The following ZNF804B variants were observed in gnomAD, a reference collection of about 807,000 sequenced individuals.
ZNF804B encodes zinc finger 804B.
A neutral mutation model predicts 101.4 loss-of-function variants in ZNF804B; 80 were observed. The observed-to-expected ratio is 0.79, with a 90% confidence interval of 0.66 to 0.95. The LOEUF is 0.95. Ranked by LOEUF, ZNF804B falls within the 40% of genes least tolerant of loss-of-function variation. The pLI is 0.00. For synonymous variants in ZNF804B, 622 were observed against 558.8 expected (o/e 1.11, Z -1.59); for missense variants, 1,673 against 1,561.9 (o/e 1.07, Z -1.20).
At chr7:88,967,638 G>A (rs1391001725) in intron 1 of ZNF804B, among the ~76,000 whole-genome samples, 1 of 149,732 alleles carries the variant, frequency 6.7e-6, no homozygotes, top group African/African-American at 2.5e-5. Context: ...GCAGTCTAGA[G>A]CAGCTGATGA....
intron 1 of ZNF804B, among the ~76,000 whole-genome samples, chr7:88,934,714 G>A (rs1489005217): frequency 1.3e-5 from 2 of 151,916 alleles, no homozygotes; most frequent in Admixed American, 6.6e-5. Flanking sequence ...CTGCAAAAGT[G>A]GTAACAATTA....
chr7:89,113,611 T>C (rs1790254946), intron 1 of ZNF804B, among the ~76,000 whole-genome samples: 1 of 152,120 alleles, frequency 6.6e-6, no homozygotes, highest in Non-Finnish European at 1.5e-5. Flanking sequence ...CTGGGACAAA[T>C]TGGTGTATAT....
At chr7:89,249,996 G>A (rs146468426) in intron 2 of ZNF804B, among the ~76,000 whole-genome samples, 8 of 152,138 alleles carry the variant, frequency 5.3e-5, no homozygotes, top group African/African-American at 1.9e-4. Context: ...GACCAGCCAG[G>A]CCAAGATGGT....
rs1205314059 is a variant in ZNF804B at position 88,979,840 on chromosome 7, A to G, written c.108+219756A>G. On this transcript the variant is annotated intron_variant, in intron 1 of 3. Transcript: ENST00000333190. ...TCTCTCTACATCCTCTTTAAGGCCA[A>G]TAACTCTTAAATTTGCCCTTTTGAG... is the stretch of plus-strand genomic sequence containing the variant. Among the ~76,000 whole-genome samples the G allele has an allele frequency of 4.6e-5, 7 of 151,690 alleles. No homozygotes were observed. In the East Asian group the frequency reaches 1.4e-3, roughly 30 times the overall value.
At chr7:88,814,930 C>A (rs1316378723) in intron 1 of ZNF804B, among the ~76,000 whole-genome samples, 1 of 151,060 alleles carries the variant, frequency 6.6e-6, no homozygotes, top group Non-Finnish European at 1.5e-5. Flanking sequence ...TTGAATAGTA[C>A]CCTGTTTATA....
chr7:89,164,995 T>C (rs1184630653), intron 1 of ZNF804B, among the ~76,000 whole-genome samples: 2 of 152,082 alleles, frequency 1.3e-5, no homozygotes, highest in African/African-American at 4.8e-5. Context: ...TACATTTCTG[T>C]GTTACTTTAA....
At chr7:89,096,269 CT>C (rs1318762116) in intron 1 of ZNF804B, among the ~76,000 whole-genome samples, 2 of 152,014 alleles carry the variant, frequency 1.3e-5, no homozygotes, top group Non-Finnish European at 2.9e-5. Flanking sequence ...CATGGCAGCT[CT>C]GACAATACAA....
chr7:88,952,834 G>A (rs999224122), intron 1 of ZNF804B, among the ~76,000 whole-genome samples: 11 of 151,846 alleles, frequency 7.2e-5, no homozygotes, highest in East Asian at 2.0e-4. Flanking sequence ...ACTCTTCCTC[G>A]ATTTTTGTTG....
intron 1 of ZNF804B, among the ~76,000 whole-genome samples, chr7:89,117,398 A>C (rs928904780): frequency 6.6e-6 from 1 of 152,210 alleles, no homozygotes; most frequent in East Asian, 1.9e-4. Context: ...TTCCAAATTC[A>C]GTATTAACCA....
intron 3 of ZNF804B, among the ~76,000 whole-genome samples, chr7:89,331,164 T>C (rs368953899): frequency 1.3e-5 from 2 of 151,666 alleles, no homozygotes; most frequent in Non-Finnish European, 3.0e-5. Context: ...CTGGAGAAGA[T>C]TAACTTAATC....
chr7:88,785,304 C>A (rs535146219), intron 1 of ZNF804B, among the ~76,000 whole-genome samples: 64 of 151,920 alleles, frequency 4.2e-4, no homozygotes, highest in Non-Finnish European at 7.4e-4. Flanking sequence ...TATTTTCAGA[C>A]AAATACCAAG....
chr7:88,784,304 T>C (rs17164356), intron 1 of ZNF804B, among the ~76,000 whole-genome samples: 5,570 of 152,276 alleles, frequency 0.037, 294 homozygotes, highest in East Asian at 0.28. Context: ...AAACTCACTT[T>C]CTGCACAGCT....
chr7:89,099,160 G>C (rs1790015184), intron 1 of ZNF804B, among the ~76,000 whole-genome samples: 1 of 151,182 alleles, frequency 6.6e-6, no homozygotes, highest in South Asian at 2.1e-4. Context: ...AAATAAAAAG[G>C]CTAATTTTGG....
At position 89,336,576 on chromosome 7, in the gene ZNF804B, T is replaced by A; in HGVS notation, c.3594T>A (p.Val1198=). ...CTCCGGCCTCAACCGTACAGACAGT[T>A]CCAGTTCACCAGCACACTTCTATCA... ...AFSPASTVQT[V]PVHQHTSITT... is the part of the protein sequence containing the mutation. Residue 1198 remains valine (V), a synonymous_variant, in exon 4 of 4, where the codon GTT becomes GTA. Transcript: ENST00000333190. The A allele has an allele frequency of 6.2e-7, 1 of 1,614,102 alleles. No individual in the cohort carries two copies. Among genetic ancestry groups the A allele is most frequent in the Non-Finnish European group, 8.5e-7 (1 of 1,179,996 alleles).
chr7:89,224,759 T>TGTATGA (rs1554381049), intron 2 of ZNF804B, among the ~76,000 whole-genome samples: 540 of 40,840 alleles, frequency 0.013, 3 homozygotes, highest in African/African-American at 0.031. Context: ...TGTATGAGTG[T>TGTATGA]GTGTGTGTGT....
intron 3 of ZNF804B, among the ~76,000 whole-genome samples, chr7:89,331,001 TA>T (rs886181625): frequency 2.0e-5 from 3 of 150,602 alleles, no homozygotes; most frequent in Non-Finnish European, 4.4e-5. Flanking sequence ...GAAAAGTATA[TA>T]TATAATATAT....
intron 2 of ZNF804B, among the ~76,000 whole-genome samples, chr7:89,301,928 G>T (rs564400958): frequency 2.0e-4 from 31 of 151,816 alleles, no homozygotes; most frequent in African/African-American, 7.0e-4. Flanking sequence ...CATAAATTAA[G>T]CACCGAACAA....
intron 1 of ZNF804B, among the ~76,000 whole-genome samples, chr7:89,210,108 A>G (rs1788779875): frequency 1.3e-5 from 2 of 151,662 alleles, no homozygotes; most frequent in Non-Finnish European, 1.5e-5. Context: ...AGATCATGCC[A>G]CTGTACCCCA....
intron 1 of ZNF804B, among the ~76,000 whole-genome samples, chr7:89,047,628 G>T (rs957303024): frequency 6.6e-6 from 1 of 152,122 alleles, no homozygotes; most frequent in African/African-American, 2.4e-5. Context: ...GCTATGGGAG[G>T]AGTCGTAAAT....
Sources: gnomAD v4.1 joint callset for allele counts (sites outside exome capture counted in the v4.1 genomes callset) on GRCh38, gnomAD v4.1.1 for gene constraint, MANE v1.5 for transcripts, NCBI Gene and HGNC (gene_info 2026-07-23, HGNC 2026-07-21) for gene names.